The following MAD1L1 variants were observed in gnomAD, a reference collection of about 807,000 sequenced individuals.
MAD1L1 encodes the protein mitotic arrest deficient 1 like 1.
In MAD1L1, 95 loss-of-function variants were observed where a neutral mutation model predicts 96.9. The ratio of observed to expected loss-of-function variants is 0.98; its 90% confidence interval spans 0.83 to 1.16. MAD1L1 has a LOEUF of 1.16. MAD1L1 is among the 50% of genes most tolerant of loss of function. The pLI is 0.00. For synonymous variants in MAD1L1, 473 were observed against 396.6 expected, an observed-to-expected ratio of 1.19 and a Z score of -2.29; for missense variants, 1,007 against 954.4, an observed-to-expected ratio of 1.06 and a Z score of -0.73.
Position 2,069,270 on chromosome 7 carries a change from A to C in MAD1L1, c.1142T>G (p.Leu381Trp), listed in dbSNP as rs368431203. 1.3e-5 allele frequency: 21 copies of C among 1,611,548 alleles called. No homozygotes were observed. The highest frequency in any genetic ancestry group is 1.7e-5 in the Non-Finnish European group (20 of 1,179,598). ...GGTCTCGCGCTTCTTCCTCTCCTCC[A>C]ACAGCTGGCCGCTGACCTGCCGGAG... The part of the protein sequence containing the change: ...EELRQVSGQL[L>W]EERKKRETHE... The change falls in exon 12 of 19, where the codon TTG becomes TGG. Residue 381 changes from leucine to tryptophan, a missense_variant. By Grantham distance (61) the Leu-to-Trp change is moderately conservative. Transcript: ENST00000265854.
At position 2,209,350 on chromosome 7, in the gene MAD1L1, C is replaced by T. The variant is rs56239032; in HGVS notation, c.986+3862G>A. ...GAAGAGCCCTCTGAGGACTGCAGGA[C>T]GTCAGCACCCTGTCCTTAGGGAAGG... On this transcript the variant is annotated intron_variant, in intron 10 of 18. Coordinates refer to ENST00000265854, the MANE Select transcript of MAD1L1 (RefSeq NM_001013836.2). 5.7e-3 allele frequency among the ~76,000 whole-genome samples: 864 copies of T among 152,288 alleles called. 5 individuals are homozygous for T. The highest frequency in any genetic ancestry group is 0.034 in the Middle Eastern group (10 of 294).
At chr7:2,151,147 A>T (rs1789550158) in intron 10 of MAD1L1, among the ~76,000 whole-genome samples, 1 of 152,228 alleles carries the variant, frequency 6.6e-6, no homozygotes, top group Non-Finnish European at 1.5e-5. Context: ...CCAAGCCAAG[A>T]GATATTTTTT....
chr7:2,205,107 T>TTTG (rs1792530758), intron 10 of MAD1L1, among the ~76,000 whole-genome samples: 1 of 96,694 alleles, frequency 1.0e-5, no homozygotes, highest in African/African-American at 3.9e-5. Context: ...TTTTTTTTTT[T>TTTG]GCTTATTCTA....
In MAD1L1 at chr7:2,146,001, C is replaced by A. The variant is rs562898116; in HGVS notation, c.1073+3151G>T. Among the ~76,000 whole-genome samples, 9 of 152,318 alleles carry A rather than the reference C, an allele frequency of 5.9e-5. No individual in the cohort carries two copies. Among genetic ancestry groups the A allele is most frequent in the Admixed American group, 5.2e-4 (8 of 15,302 alleles). On this transcript the variant is annotated intron_variant, in intron 11 of 18. Transcript: ENST00000265854. The surrounding 1 kb of genome is among the most constrained non-coding windows in gnomAD (Gnocchi z 6.2). ...GGGCGCTCTGTTCCGCACATCAGAT[C>A]AGCAGAGAAGGAAAGTTACACAACA...
At chr7:2,121,362 G>C (rs73037214) in intron 11 of MAD1L1, among the ~76,000 whole-genome samples, 4,127 of 152,338 alleles carry the variant, frequency 0.027, 99 homozygotes, top group South Asian at 0.09. Context: ...GGACAGGCAG[G>C]GATGAGGGAG....
At chr7:2,137,171 T>C (rs372390495) in intron 11 of MAD1L1, among the ~76,000 whole-genome samples, 16 of 152,274 alleles carry the variant, frequency 1.1e-4, no homozygotes, top group African/African-American at 3.9e-4. Context: ...ACCAAAATAC[T>C]TAGGGACCAA....
intron 14 of MAD1L1, 92 bp downstream of exon 14, chr7:2,001,973 C>T: frequency 2.9e-6 from 4 of 1,357,918 alleles, no homozygotes; most frequent in Non-Finnish European, 4.2e-6. Flanking sequence ...TGCACTGGCG[C>T]CTGCAGCCTA....
chr7:2,204,557 G>T (rs1189177657), intron 10 of MAD1L1, among the ~76,000 whole-genome samples: 2 of 152,196 alleles, frequency 1.3e-5, no homozygotes, highest in Non-Finnish European at 2.9e-5. Flanking sequence ...CAATGGGATG[G>T]TATAGTAAGT....
chr7:2,041,306 C>G (rs1333277123), intron 12 of MAD1L1, among the ~76,000 whole-genome samples: 1 of 152,208 alleles, frequency 6.6e-6, no homozygotes, highest in Non-Finnish European at 1.5e-5. Flanking sequence ...ATGTCCTTCT[C>G]AAGGACCGAG....
At chr7:1,966,226 A>G (rs1275266090) in intron 15 of MAD1L1, among the ~76,000 whole-genome samples, 2 of 152,252 alleles carry the variant, frequency 1.3e-5, no homozygotes, top group African/African-American at 4.8e-5. Flanking sequence ...AGGTCGGCTC[A>G]CTGCTAAACT....
intron 18 of MAD1L1, among the ~76,000 whole-genome samples, chr7:1,856,550 C>T (rs1232617243): frequency 6.6e-6 from 1 of 152,250 alleles, no homozygotes; most frequent in Admixed American, 6.5e-5. Context: ...GGCCTGCTCG[C>T]TCTCTGCTTA....
At chr7:1,919,015 TTCCCTCC>T (rs1788601868) in intron 17 of MAD1L1, among the ~76,000 whole-genome samples, 1 of 152,248 alleles carries the variant, frequency 6.6e-6, no homozygotes, top group African/African-American at 2.4e-5. Context: ...AGCAGGGCAG[TTCCCTCC>T]GGCCCATGCC....
intron 16 of MAD1L1, among the ~76,000 whole-genome samples, chr7:1,945,000 G>C (rs1349124380): frequency 1.3e-5 from 2 of 152,200 alleles, no homozygotes; most frequent in Non-Finnish European, 2.9e-5. Flanking sequence ...GAGGGAGACG[G>C]GTACGGGCAG....
intron 18 of MAD1L1, among the ~76,000 whole-genome samples, chr7:1,836,601 A>C (rs1007689188): frequency 1.3e-5 from 2 of 152,244 alleles, no homozygotes; most frequent in Non-Finnish European, 2.9e-5. Flanking sequence ...AACTGTTCAT[A>C]GATTAGAAGT....
chr7:2,106,085 G>C (rs55865401), intron 11 of MAD1L1, among the ~76,000 whole-genome samples: 48,222 of 124,424 alleles, frequency 0.39, 9,280 homozygotes, highest in East Asian at 0.64. Flanking sequence ...CACACACAGC[G>C]CCAGCCATCA....
chr7:2,227,309 G>GA (rs899486190), intron 3 of MAD1L1, among the ~76,000 whole-genome samples: 1 of 152,278 alleles, frequency 6.6e-6, no homozygotes, highest in African/African-American at 2.4e-5. Context: ...AAGAAAAAAA[G>GA]AAACTTCTTT....
At chr7:1,831,946 C>T (rs888172030) in intron 18 of MAD1L1, among the ~76,000 whole-genome samples, 1 of 152,208 alleles carries the variant, frequency 6.6e-6, no homozygotes, top group Non-Finnish European at 1.5e-5. Context: ...TGGAGATGAA[C>T]GTTGTTTCTA....
rs1178079975 is a variant in MAD1L1 at position 2,105,770 on chromosome 7, C to T, written c.1074-36432G>A. ...GACCAGAAAGTCCAGGCACGTGAGA[C>T]GCCCAGCCAAAACCCCAGTACCACC... On this transcript the variant is annotated intron_variant, in intron 11 of 18. Transcript: ENST00000265854. Among the ~76,000 whole-genome samples the T allele has an allele frequency of 3.3e-5, 5 of 152,204 alleles. 1 individual carries two copies. In the East Asian group the frequency reaches 7.7e-4, roughly 24 times the overall value.
chr7:2,144,112 G>C (rs1309206977), intron 11 of MAD1L1, among the ~76,000 whole-genome samples: 3 of 152,310 alleles, frequency 2.0e-5, no homozygotes, highest in African/African-American at 7.2e-5. Context: ...CAGAGCTCTG[G>C]AGACCCACAG....
Sources: allele counts gnomAD v4.1 joint callset (sites outside exome capture counted in the v4.1 genomes callset), GRCh38; gene constraint gnomAD v4.1.1; non-coding constraint Gnocchi (gnomAD v3.1); transcripts MANE v1.5; gene names NCBI Gene and HGNC (gene_info 2026-07-23, HGNC 2026-07-21).